ARHGEF18: variants seen among roughly 807,000 people sequenced by gnomAD.
ARHGEF18 encodes the protein rho guanine nucleotide exchange factor 18.
A neutral mutation model predicts 155.7 loss-of-function variants in ARHGEF18; 93 were observed. The ratio of observed to expected loss-of-function variants is 0.60; its 90% CI spans 0.50 to 0.71. ARHGEF18 has a LOEUF of 0.71. Among genes scored for constraint, ARHGEF18 ranks in the 30% least tolerant of loss-of-function variants. The probability of loss-of-function intolerance (pLI) is 0.00; values close to 1 mark genes in which losing one functional copy is unlikely to be tolerated. For missense variants in ARHGEF18, 1,593 were observed against 1,816.1 expected (o/e 0.88, Z 2.23); for synonymous variants, 742 against 753.1 (o/e 0.99, Z 0.24).
At chr19:7,396,966 G>T (rs1971746457) in intron 10 of ARHGEF18, among the ~76,000 whole-genome samples, 1 of 151,864 alleles carries the variant, frequency 6.6e-6, no homozygotes, top group African/African-American at 2.4e-5. Flanking sequence ...CCCAGGCTTG[G>T]ATGTTTAGGT....
intron 20 of ARHGEF18, among the ~76,000 whole-genome samples, chr19:7,460,785 T>A (rs1292856234): frequency 1.7e-4 from 26 of 151,976 alleles, no homozygotes; most frequent in Admixed American, 1.3e-4. Flanking sequence ...TATTTTTTTT[T>A]ATTTTATCTT....
At chr19:7,404,074 A>G (rs1250817658) in intron 10 of ARHGEF18, among the ~76,000 whole-genome samples, 2 of 152,004 alleles carry the variant, frequency 1.3e-5, no homozygotes, top group Non-Finnish European at 2.9e-5. Context: ...TCTCAAAAAA[A>G]AAAAAAGAGA....
intron 1 of ARHGEF18, among the ~76,000 whole-genome samples, chr19:7,354,119 G>C (rs774151204): frequency 6.6e-6 from 1 of 152,012 alleles, no homozygotes; most frequent in Non-Finnish European, 1.5e-5. Flanking sequence ...AGACCAGCCT[G>C]GGCAACATAG....
chr19:7,387,940 T>C (rs1166650248), intron 10 of ARHGEF18, among the ~76,000 whole-genome samples: 5 of 143,130 alleles, frequency 3.5e-5, no homozygotes, highest in African/African-American at 9.8e-5. Flanking sequence ...GCTGAGATTA[T>C]AGGCATGAGC....
At chr19:7,354,412 A>C (rs1969232381) in intron 1 of ARHGEF18, among the ~76,000 whole-genome samples, 1 of 151,818 alleles carries the variant, frequency 6.6e-6, no homozygotes, top group African/African-American at 2.4e-5. Flanking sequence ...GAAGTAATGT[A>C]AACAATTGGG....
At chr19:7,408,760 C>G (rs971845263) in intron 10 of ARHGEF18, among the ~76,000 whole-genome samples, 17 of 152,074 alleles carry the variant, frequency 1.1e-4, no homozygotes, top group African/African-American at 3.6e-4. Context: ...ACAACAAGAC[C>G]GGCTGAGTGC....
intron 10 of ARHGEF18, among the ~76,000 whole-genome samples, chr19:7,405,206 G>A (rs144002563): frequency 6.0e-4 from 91 of 152,284 alleles, no homozygotes; most frequent in East Asian, 3.9e-3. Context: ...CAATCCGCCC[G>A]CCTCAGCCTC....
chr19:7,380,419 C>T (rs1206780560), intron 7 of ARHGEF18, among the ~76,000 whole-genome samples: 7 of 149,812 alleles, frequency 4.7e-5, no homozygotes, highest in African/African-American at 1.7e-4. Flanking sequence ...GCGGAGCTTG[C>T]AGTGAGCCGA....
intron 10 of ARHGEF18, among the ~76,000 whole-genome samples, chr19:7,400,581 C>T (rs1377165149): frequency 6.6e-6 from 1 of 152,068 alleles, no homozygotes; most frequent in Non-Finnish European, 1.5e-5. Context: ...ACCTGTAATC[C>T]CAGTACTTTG....
At chr19:7,389,595 A>C (rs1054467057) in intron 10 of ARHGEF18, among the ~76,000 whole-genome samples, 3 of 147,440 alleles carry the variant, frequency 2.0e-5, no homozygotes, top group Admixed American at 6.9e-5. Context: ...GTGCAGTGGC[A>C]CAATCTTGGC....
chr19:7,467,496 C>A lies in ARHGEF18; in HGVS notation c.3292C>A (p.Leu1098Ile). Residue 1098 changes from leucine to isoleucine, a missense_variant, in exon 26 of 29, where the codon CTA (leucine) becomes ATA (isoleucine). By Grantham distance (5) the Leu-to-Ile change is conservative (BLOSUM62 2). Coordinates refer to ENST00000668164, the MANE Select transcript of ARHGEF18 (RefSeq NM_001367823.1). Reference protein sequence around the residue: ...LQEREGEARQLRERLEQERAE... With the variant: ...LQEREGEARQIRERLEQERAE... Reference sequence around the variant, plus strand: ...GGAGCGCGAGGGCGAGGCGCGGCAGCTACGCGAGCGGCTGGAGCAGGAGCG... The same window carrying A: ...GGAGCGCGAGGGCGAGGCGCGGCAGATACGCGAGCGGCTGGAGCAGGAGCG... 1.4e-6 allele frequency: 2 copies of A among 1,435,718 alleles called. No individual in the cohort carries two copies. Among genetic ancestry groups the A allele is most frequent in the Admixed American group, 3.0e-5 (1 of 33,082 alleles). 88.9% of individuals were successfully genotyped at this position (1,435,718 alleles called of 1,614,324 possible).
chr19:7,374,404 C>T (rs1463037935), intron 3 of ARHGEF18, among the ~76,000 whole-genome samples: 5 of 152,064 alleles, frequency 3.3e-5, no homozygotes, highest in African/African-American at 9.7e-5. Context: ...AGGCCGGGCG[C>T]GGTGGCTCAC....
intron 26 of ARHGEF18, 63 bp downstream of exon 26, chr19:7,467,747 G>A: frequency 2.2e-6 from 3 of 1,393,834 alleles, no homozygotes; most frequent in South Asian, 3.0e-5. Context: ...GCATTTGCAC[G>A]AGTGCATGCA....
rs933034217 is a variant in ARHGEF18, at chr19:7,415,829, A to G, written c.968-24515A>G. The stretch of plus-strand genomic sequence containing the variant: ...TCAGTGTTTACCCTTTTGAAGATAT[A>G]CCCAGGAGTAGAATTGCTGGATCGG... On this transcript the variant is annotated intron_variant, in intron 10 of 28. Transcript: ENST00000668164. 5.3e-5 allele frequency among the ~76,000 whole-genome samples: 8 copies of G among 152,122 alleles called. No individual in the cohort carries two copies. The East Asian group carries it at 1.5e-3, about 29-fold the overall frequency.
intron 10 of ARHGEF18, chr19:7,390,712 T>C (rs941802505): frequency 6.6e-6 from 1 of 152,042 alleles, no homozygotes; most frequent in Non-Finnish European, 1.5e-5. Flanking sequence ...GACGCTTGCC[T>C]CTGCAAAGCT....
At chr19:7,361,084 C>T (rs748362158) in intron 1 of ARHGEF18, among the ~76,000 whole-genome samples, 1 of 152,212 alleles carries the variant, frequency 6.6e-6, no homozygotes, top group Non-Finnish European at 1.5e-5. Flanking sequence ...CAACAAAAAA[C>T]TTTTTAGGAA....
At chr19:7,381,865 T>C (rs1600240264) in intron 8 of ARHGEF18, among the ~76,000 whole-genome samples, 1 of 152,050 alleles carries the variant, frequency 6.6e-6, no homozygotes, top group Non-Finnish European at 1.5e-5. Context: ...CACTCACTCA[T>C]TCATTCAAGA....
intron 10 of ARHGEF18, among the ~76,000 whole-genome samples, chr19:7,434,523 G>T (rs947036864): frequency 6.6e-6 from 1 of 152,154 alleles, no homozygotes; most frequent in Non-Finnish European, 1.5e-5. Context: ...CTAATCGATC[G>T]CACCTCTCAG....
At chr19:7,465,393 G>A (rs1019594071) in intron 23 of ARHGEF18, among the ~76,000 whole-genome samples, 3 of 150,560 alleles carry the variant, frequency 2.0e-5, no homozygotes, top group African/African-American at 4.9e-5. Context: ...TTGGGAGACC[G>A]AGGTGGGAGG....
Sources: gnomAD v4.1 joint callset for allele counts (sites outside exome capture counted in the v4.1 genomes callset) on GRCh38, gnomAD v4.1.1 for gene constraint, MANE v1.5 for transcripts, NCBI Gene and HGNC (gene_info 2026-07-23, HGNC 2026-07-21) for gene names.